ANKRD45: variants seen among roughly 807,000 people sequenced by gnomAD.
ANKRD45 encodes ankyrin repeat domain-containing protein 45.
Under a neutral mutation model 28.1 loss-of-function variants are expected in ANKRD45, and 21 were observed. The ratio of observed to expected loss-of-function variants is 0.75; its 90% confidence interval spans 0.53 to 1.08. The LOEUF is 1.08. ANKRD45 is among the 50% of genes least tolerant of loss of function. The probability of loss-of-function intolerance (pLI) is 0.00; values close to 1 mark genes in which losing one functional copy is unlikely to be tolerated. For synonymous variants in ANKRD45, 86 were observed against 103.9 expected (o/e 0.83, Z 1.05); for missense variants, 261 against 308.7 (o/e 0.85, Z 1.16).
chr1:173,642,831 G>A (rs1668757685), intron 3 of ANKRD45, among the ~76,000 whole-genome samples: 1 of 152,136 alleles, frequency 6.6e-6, no homozygotes, highest in South Asian at 2.1e-4. Context: ...AGAATGTGAG[G>A]TCCTATTCCA....
At chr1:173,658,909 T>C in intron 2 of ANKRD45, 182 bp downstream of exon 2, 1 of 940,250 alleles carries the variant, frequency 1.1e-6, no homozygotes. Flanking sequence ...TAAAATACTA[T>C]ACTATGTAAT....
chr1:173,652,128 C>G (rs1558139084), intron 2 of ANKRD45, among the ~76,000 whole-genome samples: 1 of 152,030 alleles, frequency 6.6e-6, no homozygotes, highest in African/African-American at 2.4e-5. Context: ...ACTTCCAACA[C>G]TATGTGGAAT....
the ANKRD45 span, among the ~76,000 whole-genome samples, chr1:173,680,499 T>G: frequency 6.6e-6 from 1 of 151,818 alleles, no homozygotes; most frequent in Non-Finnish European, 1.5e-5. Context: ...TGAGAACACA[T>G]GGACACAGAG....
chr1:173,619,930 T>C (rs2102318741), intron 5 of ANKRD45, among the ~76,000 whole-genome samples: 1 of 151,496 alleles, frequency 6.6e-6, no homozygotes, highest in East Asian at 1.9e-4. Context: ...ATGCACACAA[T>C]ACAGGAGCAC....
At chr1:173,699,836 G>A in the ANKRD45 span, among the ~76,000 whole-genome samples, 3 of 152,160 alleles carry the variant, frequency 2.0e-5, no homozygotes, top group Non-Finnish European at 4.4e-5. Flanking sequence ...TCAGGCAAGA[G>A]AAAGAAATAA....
chr1:173,689,860 G>C, the ANKRD45 span, among the ~76,000 whole-genome samples: 2 of 151,982 alleles, frequency 1.3e-5, no homozygotes, highest in African/African-American at 2.4e-5. Context: ...TCACATTCCT[G>C]AACTACCATA....
rs1413865096 is a variant in ANKRD45, at chr1:173,610,159, CAT to C, written c.785_786del (p.Asp262GlyfsTer17). The C allele has an allele frequency of 6.2e-7, 1 of 1,614,116 alleles. No individual in the cohort carries two copies. Among genetic ancestry groups the C allele is most frequent in the South Asian group, 1.1e-5 (1 of 91,082 alleles). On this transcript the variant is annotated frameshift_variant, in exon 6 of 6. Coordinates refer to ENST00000333279, the MANE Select transcript of ANKRD45 (RefSeq NM_198493.3). LOFTEE classifies it high-confidence loss of function. Reference protein sequence around the residue: ...VTSHDQKRSQDDTSN With the variant: ...VTSHDQKRSQXDTSN ...AGAACGTATGTTCAGTTGGAGGTAT[CAT>C]CTTGACTTCTCTTCTGGTCATGGCT...
intron 2 of ANKRD45, among the ~76,000 whole-genome samples, chr1:173,650,660 C>A (rs1669165443): frequency 6.6e-6 from 1 of 152,128 alleles, no homozygotes; most frequent in Non-Finnish European, 1.5e-5. Flanking sequence ...AGTTCTAGAT[C>A]CTTGAGGAAA....
chr1:173,622,564 C>A (rs1186844676), intron 5 of ANKRD45, among the ~76,000 whole-genome samples: 1 of 152,124 alleles, frequency 6.6e-6, no homozygotes, highest in Non-Finnish European at 1.5e-5. Flanking sequence ...AGAAAGGATT[C>A]CCTATTTAAT....
intron 5 of ANKRD45, among the ~76,000 whole-genome samples, chr1:173,620,525 A>C (rs1667653327): frequency 6.6e-6 from 1 of 152,164 alleles, no homozygotes; most frequent in Non-Finnish European, 1.5e-5. Context: ...TAACAACCTA[A>C]CACCACAACT....
rs369030505 is a variant in ANKRD45, at chr1:173,645,051, G to A, written c.496+1795C>T. Among the ~76,000 whole-genome samples, 42 of 151,990 alleles carry A rather than the reference G, an allele frequency of 2.8e-4. No homozygotes were observed. The Middle Eastern group carries it at 0.01, about 37-fold the overall frequency. ...TTCACCTAAAATTACTATTCATGGG[G>A]GGAATCAATTGAATTATTTGCTATT... is the stretch of plus-strand genomic sequence containing the variant. On this transcript the variant is annotated intron_variant, in intron 3 of 5. Coordinates refer to ENST00000333279, the MANE Select transcript of ANKRD45 (RefSeq NM_198493.3).
intron 5 of ANKRD45, among the ~76,000 whole-genome samples, chr1:173,619,306 A>T (rs1044712660): frequency 2.6e-5 from 4 of 152,244 alleles, no homozygotes; most frequent in Admixed American, 1.3e-4. Context: ...CTTAAATGTA[A>T]ATGGGCTAAA....
chr1:173,674,920 G>T, the ANKRD45 span, among the ~76,000 whole-genome samples: 3 of 152,096 alleles, frequency 2.0e-5, no homozygotes, highest in Non-Finnish European at 4.4e-5. Flanking sequence ...CTCAGGTTTT[G>T]TCTGATCTCT....
At position 173,635,754 on chromosome 1, in the gene ANKRD45, T is replaced by G. The variant is rs1168952280; in HGVS notation, c.497-8595A>C. The G allele has an allele frequency of 2.6e-6, 4 of 1,535,220 alleles. No individual in the cohort carries two copies. The African/African-American group carries it at 5.5e-5, about 21-fold the overall frequency. On this transcript the variant is annotated intron_variant, in intron 3 of 5. Coordinates refer to ENST00000333279, the MANE Select transcript of ANKRD45 (RefSeq NM_198493.3). ...GATATATTTCAGGGTTGTTTATATC[T>G]CATTTATAATTTATTACAAGCTGTC...
the ANKRD45 span, among the ~76,000 whole-genome samples, chr1:173,700,956 G>T: frequency 6.6e-6 from 1 of 152,134 alleles, no homozygotes; most frequent in Non-Finnish European, 1.5e-5. Flanking sequence ...AATCTACAAA[G>T]AACTTATACA....
At chr1:173,651,373 T>C (rs1669211531) in intron 2 of ANKRD45, among the ~76,000 whole-genome samples, 1 of 152,200 alleles carries the variant, frequency 6.6e-6, no homozygotes, top group African/African-American at 2.4e-5. Context: ...TTCTTGTTTT[T>C]GTCGGGTTTG....
At chr1:173,692,940 T>C in the ANKRD45 span, among the ~76,000 whole-genome samples, 1 of 152,160 alleles carries the variant, frequency 6.6e-6, no homozygotes, top group Non-Finnish European at 1.5e-5. Flanking sequence ...TACAACATGA[T>C]AGTGACAGCC....
rs56783185 is a variant in ANKRD45, at chr1:173,608,884, G to A, written c.*1261C>T. 2.6e-5 allele frequency among the ~76,000 whole-genome samples: 2 copies of A among 76,344 alleles called. 1 individual carries two copies. Among genetic ancestry groups the A allele is most frequent in the African/African-American group, 3.1e-4 (2 of 6,504 alleles). The allele number at this position is 76,344 out of a possible 152,430, so 50.1% of individuals were successfully genotyped here. The stretch of plus-strand genomic sequence containing the variant: ...GGAAGGGAGGGGAGGGGAGAGGAAG[G>A]GAGGGGAGGGGAGAGGAAGGGAGAG... On this transcript the variant is annotated 3_prime_UTR_variant, in exon 6 of 6. Transcript: ENST00000333279.
At chr1:173,664,802 A>G (rs1312469828) in intron 1 of ANKRD45, among the ~76,000 whole-genome samples, 1 of 152,178 alleles carries the variant, frequency 6.6e-6, no homozygotes, top group Non-Finnish European at 1.5e-5. Flanking sequence ...ACAATTCTTA[A>G]CAAGTCATAT....
Sources: gnomAD v4.1 joint callset for allele counts (sites outside exome capture counted in the v4.1 genomes callset) on GRCh38, gnomAD v4.1.1 for gene constraint, MANE v1.5 for transcripts, NCBI Gene and HGNC (gene_info 2026-07-23, HGNC 2026-07-21) for gene names.